The following DPF2 variants were observed in gnomAD, a reference collection of about 807,000 sequenced individuals.
DPF2 encodes zinc finger protein ubi-d4.
DPF2 carries 10 observed loss-of-function variants against 59.6 expected under a neutral mutation model. That is an observed-to-expected ratio of 0.17 (90% confidence interval 0.10 to 0.28). The LOEUF (loss-of-function observed/expected upper bound fraction) is 0.28, where lower values mean the gene tolerates loss of function less well. Among genes scored for constraint, DPF2 ranks in the 10% least tolerant of loss-of-function variants. The pLI, the probability that DPF2 is intolerant of heterozygous loss-of-function variation, is 1.00. For synonymous variants in DPF2, 189 were observed against 190.6 expected (o/e 0.99, Z 0.07); for missense variants, 315 against 509.4 (o/e 0.62, Z 3.67).
chr11:65,352,756 C>G lies in DPF2; in HGVS notation c.*997C>G, dbSNP rs887998420. ...CTTTCTTCCCTTGCACGCTCGCTAG[C>G]AGCTGGTAAGGTCTTCACACCCTGA... On this transcript the variant is annotated 3_prime_UTR_variant, in exon 11 of 11. Coordinates refer to ENST00000528416, the MANE Select transcript of DPF2 (RefSeq NM_006268.5). The G allele has an allele frequency of 6.6e-6, 1 of 152,634 alleles. No homozygotes were observed. Among genetic ancestry groups the G allele is most frequent in the African/African-American group, 2.4e-5 (1 of 41,444 alleles). 9.5% of individuals were successfully genotyped at this position (152,634 alleles called of 1,614,324 possible). A position where few individuals can be genotyped will look rare whatever the true frequency, so the allele number is the denominator to read the frequency against.
intron 9 of DPF2, chr11:65,348,529 C>T (rs1431386709): frequency 4.4e-5 from 11 of 251,990 alleles, no homozygotes; most frequent in African/African-American, 2.1e-4. Flanking sequence ...TGCAGTGAGC[C>T]GTGATTGCAC....
chr11:65,349,653 G>A (rs927883188), intron 10 of DPF2, among the ~76,000 whole-genome samples: 7 of 152,120 alleles, frequency 4.6e-5, no homozygotes, highest in Non-Finnish European at 8.8e-5. Context: ...AAAATTAGCC[G>A]GCTGTGGTGG....
intron 9 of DPF2, chr11:65,347,689 C>A (rs923107121): frequency 2.7e-5 from 4 of 150,876 alleles, no homozygotes; most frequent in Non-Finnish European, 5.9e-5. Context: ...GAGTTTTACT[C>A]TTGTCATCCA....
intron 9 of DPF2, chr11:65,348,625 A>AG: frequency 2.2e-6 from 1 of 451,466 alleles, no homozygotes; most frequent in Non-Finnish European, 3.9e-6. Flanking sequence ...AAAAAAAAAA[A>AG]AAAAAAGTGG....
intron 9 of DPF2, chr11:65,347,710 C>T (rs538237418): frequency 6.6e-6 from 1 of 152,220 alleles, no homozygotes; most frequent in Admixed American, 6.5e-5. Context: ...GGCTGGAGTA[C>T]AATGGCGCAA....
chr11:65,340,676 G>A, intron 2 of DPF2, 131 bp downstream of exon 2: 1 of 1,320,920 alleles, frequency 7.6e-7, no homozygotes, highest in Non-Finnish European at 1.0e-6. Context: ...TGGTCTTCCT[G>A]TGATTAGAAA....
In DPF2 at chr11:65,341,057, C is replaced by T; in HGVS notation, c.285C>T (p.Phe95=). The change falls in exon 3 of 11, where the codon TTC becomes TTT. Residue 95 remains phenylalanine, a synonymous_variant. Coordinates refer to ENST00000528416, the MANE Select transcript of DPF2 (RefSeq NM_006268.5). ...AHPPEDPRLS[F]PSIKPDTDQT... is the part of the protein sequence containing the mutation. Reference sequence around the variant, plus strand: ...CCCCTGAGGATCCACGACTTTCCTTCCCATCTATTAAGCCAGGTAAGGCAC... The same window carrying T: ...CCCCTGAGGATCCACGACTTTCCTTTCCATCTATTAAGCCAGGTAAGGCAC... 1.2e-6 allele frequency: 2 copies of T among 1,614,094 alleles called. No homozygotes were observed. The highest frequency in any genetic ancestry group is 1.7e-6 in the Non-Finnish European group (2 of 1,180,038).
In DPF2 at chr11:65,351,961, A is replaced by G; in HGVS notation, c.*202A>G. On this transcript the variant is annotated 3_prime_UTR_variant, in exon 11 of 11. Transcript: ENST00000528416. ...GGCCCCAGGCCCTCAGGGAGAAAGG[A>G]GCAACACACTGCCCCTAGGCGTGCG... 5.0e-6 allele frequency: 3 copies of G among 605,632 alleles called. No homozygotes were observed. Among genetic ancestry groups the G allele is most frequent in the Non-Finnish European group, 8.8e-6 (3 of 341,554 alleles). 37.5% of individuals were successfully genotyped at this position (605,632 alleles called of 1,614,324 possible). A position where few individuals can be genotyped will look rare whatever the true frequency, so the allele number is the denominator to read the frequency against.
At chr11:65,337,443 ACT>A (rs1223188804) in intron 1 of DPF2, among the ~76,000 whole-genome samples, 2 of 118,134 alleles carry the variant, frequency 1.7e-5, no homozygotes, top group Non-Finnish European at 3.4e-5. Flanking sequence ...GCAAAGCAAG[ACT>A]CTATCTCAAA....
chr11:65,350,398 A>T (rs1590940157), intron 10 of DPF2, among the ~76,000 whole-genome samples: 1 of 121,314 alleles, frequency 8.2e-6, no homozygotes. Flanking sequence ...TTTTTGAGAC[A>T]GTGTCTTGTT....
chr11:65,341,285 G>C (rs1467166721), intron 3 of DPF2, 114 bp from the exon 4 acceptor site: 1 of 1,464,854 alleles, frequency 6.8e-7, no homozygotes, highest in Non-Finnish European at 9.3e-7. Context: ...ATTCCTGGGC[G>C]TGCAGAGAAC....
intron 1 of DPF2, among the ~76,000 whole-genome samples, chr11:65,334,866 G>A (rs903821573): frequency 3.3e-5 from 5 of 152,148 alleles, no homozygotes; most frequent in Admixed American, 2.6e-4. Context: ...TCCAGTCAGG[G>A]TTTTTGCATT....
chr11:65,343,160 G>A (rs1854428379), intron 4 of DPF2, among the ~76,000 whole-genome samples: 1 of 152,000 alleles, frequency 6.6e-6, no homozygotes, highest in African/African-American at 2.4e-5. Flanking sequence ...TTAATCAGGT[G>A]TGGTGGCGCA....
At chr11:65,341,923 A>C in intron 4 of DPF2, 1 of 167,356 alleles carries the variant, frequency 6.0e-6, no homozygotes, top group East Asian at 1.6e-4. Context: ...CAGCCTGGGC[A>C]ACAAAGTGAG....
intron 10 of DPF2, among the ~76,000 whole-genome samples, chr11:65,350,567 A>T (rs1854666779): frequency 6.7e-6 from 1 of 149,680 alleles, no homozygotes. Context: ...TTTTTAGTAG[A>T]GACGGGGTTT....
chr11:65,344,611 G>A (rs1269693802), intron 6 of DPF2: 43 of 1,535,704 alleles, frequency 2.8e-5, no homozygotes, highest in South Asian at 4.8e-5. Flanking sequence ...CCTCGAAAGC[G>A]CCCCAGAGAG....
chr11:65,336,946 G>A (rs1854172363), intron 1 of DPF2, among the ~76,000 whole-genome samples: 1 of 151,842 alleles, frequency 6.6e-6, no homozygotes, highest in African/African-American at 2.4e-5. Context: ...AAATTAGCTG[G>A]GCATGGTGGC....
intron 10 of DPF2, among the ~76,000 whole-genome samples, chr11:65,349,328 G>C (rs1053854905): frequency 5.3e-5 from 8 of 152,212 alleles, no homozygotes; most frequent in Non-Finnish European, 1.0e-4. Context: ...GAACTGGGAA[G>C]GGACTTGACT....
intron 1 of DPF2, among the ~76,000 whole-genome samples, chr11:65,334,306 C>G (rs1271476924): frequency 1.3e-5 from 2 of 152,120 alleles, no homozygotes; most frequent in Non-Finnish European, 2.9e-5. Context: ...GCCCGCCGCC[C>G]ACCCCGCCCC....
Sources: gnomAD v4.1 joint callset for allele counts (sites outside exome capture counted in the v4.1 genomes callset) on GRCh38, gnomAD v4.1.1 for gene constraint, MANE v1.5 for transcripts, NCBI Gene and HGNC (gene_info 2026-07-23, HGNC 2026-07-21) for gene names.